Variants in AQP7B observed in about 807,000 individuals in gnomAD.
AQP7B encodes putative aquaporin-7B.
the AQP7B span, among the ~76,000 whole-genome samples, chr2:94,599,579 C>T: frequency 6.6e-6 from 1 of 152,098 alleles, no homozygotes; most frequent in African/African-American, 2.4e-5. Context: ...CACATATCAC[C>T]CCTTGGCTGG....
the AQP7B span, among the ~76,000 whole-genome samples, chr2:94,594,221 T>A: frequency 1.3e-5 from 2 of 152,190 alleles, no homozygotes; most frequent in Non-Finnish European, 2.9e-5. Context: ...ACCTGGCACA[T>A]GTTTCAGCAC....
chr2:94,592,798 G>A, the AQP7B span, among the ~76,000 whole-genome samples: 10 of 110,048 alleles, frequency 9.1e-5, no homozygotes, highest in Non-Finnish European at 1.6e-4. Context: ...AAGAAAAACT[G>A]TTAATTAATT....
chr2:94,604,386 C>T, the AQP7B span: 1 of 1,611,334 alleles, frequency 6.2e-7, no homozygotes, highest in African/African-American at 1.3e-5. Flanking sequence ...TCCACCATCC[C>T]ACGGGAGCCC....
At chr2:94,590,325 G>A in the AQP7B span, among the ~76,000 whole-genome samples, 1 of 152,116 alleles carries the variant, frequency 6.6e-6, no homozygotes, top group Admixed American at 6.5e-5. Flanking sequence ...TGGGATTACA[G>A]GCACCTACCA....
At chr2:94,587,557 T>A in the AQP7B span, among the ~76,000 whole-genome samples, 1 of 152,016 alleles carries the variant, frequency 6.6e-6, no homozygotes, top group African/African-American at 2.4e-5. Context: ...AGTCCCGGCT[T>A]TCTTGTTATG....
the AQP7B span, chr2:94,603,369 C>T: frequency 3.1e-6 from 5 of 1,596,614 alleles, no homozygotes; most frequent in Non-Finnish European, 3.4e-6. Context: ...GCATGATAGT[C>T]TGTGTCTCCG....
the AQP7B span, among the ~76,000 whole-genome samples, chr2:94,595,511 G>C: frequency 6.6e-6 from 1 of 152,120 alleles, no homozygotes; most frequent in Non-Finnish European, 1.5e-5. Flanking sequence ...AATGAATCTG[G>C]AGGGCAATGG....
At chr2:94,588,111 G>A in the AQP7B span, among the ~76,000 whole-genome samples, 1 of 152,152 alleles carries the variant, frequency 6.6e-6, no homozygotes, top group East Asian at 1.9e-4. Context: ...TGTGTGTGCA[G>A]GTCCTGGACA....
the AQP7B span, among the ~76,000 whole-genome samples, chr2:94,601,840 T>C: frequency 6.6e-6 from 1 of 152,036 alleles, no homozygotes; most frequent in Non-Finnish European, 1.5e-5. Flanking sequence ...ACAGTGGCTC[T>C]AGACTGAGGG....
the AQP7B span, among the ~76,000 whole-genome samples, chr2:94,589,167 GTT>G: frequency 2.9e-5 from 4 of 136,524 alleles, no homozygotes; most frequent in Non-Finnish European, 1.6e-5. Flanking sequence ...ATTAGTTGTT[GTT>G]TTTTTTTTTT....
chr2:94,594,604 C>A, the AQP7B span: 1 of 623,232 alleles, frequency 1.6e-6, no homozygotes, highest in Non-Finnish European at 2.9e-6. Flanking sequence ...TTCCAGCTGT[C>A]CCAGCTGCCC....
At chr2:94,587,938 G>A in the AQP7B span, among the ~76,000 whole-genome samples, 1 of 152,128 alleles carries the variant, frequency 6.6e-6, no homozygotes, top group Non-Finnish European at 1.5e-5. Context: ...AGGACAGACA[G>A]GGTGAGGGGA....
the AQP7B span, among the ~76,000 whole-genome samples, chr2:94,599,488 A>C: frequency 6.6e-6 from 1 of 151,834 alleles, no homozygotes; most frequent in Non-Finnish European, 1.5e-5. Flanking sequence ...GCTGCTTGAT[A>C]GGTAAAATAA....
chr2:94,602,982 G>A, the AQP7B span: 1 of 1,531,498 alleles, frequency 6.5e-7, no homozygotes, highest in Non-Finnish European at 8.9e-7. Context: ...CATACTGTTT[G>A]TCACTGTTGT....
At chr2:94,602,485 C>T in the AQP7B span, 3 of 1,603,056 alleles carry the variant, frequency 1.9e-6, no homozygotes, top group African/African-American at 1.3e-5. Flanking sequence ...GAGGCCCTCC[C>T]TTGTAGGTAT....
At chr2:94,588,385 G>A in the AQP7B span, 3 of 618,638 alleles carry the variant, frequency 4.8e-6, no homozygotes, top group East Asian at 5.7e-5. Flanking sequence ...CTAAGGGAGT[G>A]GCACTAGCAG....
the AQP7B span, among the ~76,000 whole-genome samples, chr2:94,599,505 C>T: frequency 6.6e-6 from 1 of 151,976 alleles, no homozygotes; most frequent in African/African-American, 2.4e-5. Flanking sequence ...ATAATCAACA[C>T]TTCATATGTT....
chr2:94,589,655 C>A, the AQP7B span, among the ~76,000 whole-genome samples: 2 of 152,046 alleles, frequency 1.3e-5, no homozygotes, highest in East Asian at 3.9e-4. Flanking sequence ...ATGAATAGTG[C>A]CCCTCTGTTG....
At chr2:94,604,027 C>T in the AQP7B span, 1 of 797,166 alleles carries the variant, frequency 1.3e-6, no homozygotes, top group Non-Finnish European at 2.0e-6. Context: ...CAGGAGGGTC[C>T]TGCAGAGCCC....
Sources: gnomAD v4.1 joint callset for allele counts (sites outside exome capture counted in the v4.1 genomes callset) on GRCh38, gnomAD v4.1.1 for gene constraint, MANE v1.5 for transcripts, NCBI Gene and HGNC (gene_info 2026-07-23, HGNC 2026-07-21) for gene names.